Variants in TRIM36 observed in about 807,000 individuals in gnomAD.
The protein encoded by TRIM36 is E3 ubiquitin-protein ligase TRIM36.
Under a neutral mutation model 72.4 loss-of-function variants are expected in TRIM36, and 42 were observed. That is an observed-to-expected ratio of 0.58 (90% CI 0.45 to 0.75). The LOEUF (loss-of-function observed/expected upper bound fraction) is 0.75. Among genes scored for constraint, TRIM36 ranks in the 30% least tolerant of loss-of-function variants. The pLI is 0.00. For synonymous variants in TRIM36, 315 were observed against 282.8 expected (o/e 1.11, Z -1.14); for missense variants, 913 against 857.1 (o/e 1.07, Z -0.81).
chr5:115,173,310 T>C (rs1755197873), upstream of TRIM36, among the ~76,000 whole-genome samples: 1 of 152,204 alleles, frequency 6.6e-6, no homozygotes, highest in Admixed American at 6.5e-5. Flanking sequence ...TCCTCACAGC[T>C]GATTCCTGTG....
intron 1 of TRIM36, among the ~76,000 whole-genome samples, chr5:115,167,781 G>A (rs1057315813): frequency 6.6e-6 from 1 of 152,110 alleles, no homozygotes; most frequent in African/African-American, 2.4e-5. Flanking sequence ...CACATTGTTG[G>A]GTATCTTTAC....
intron 8 of TRIM36, 38 bp from the exon 9 acceptor site, chr5:115,130,927 A>G (rs75362338): frequency 6.4e-7 from 1 of 1,572,672 alleles, no homozygotes; most frequent in Non-Finnish European, 8.6e-7. Flanking sequence ...GCTAAAAATT[A>G]TCATTGCTCT....
intron 7 of TRIM36, among the ~76,000 whole-genome samples, chr5:115,136,110 C>G (rs547516020): frequency 4.7e-4 from 71 of 152,138 alleles, no homozygotes; most frequent in African/African-American, 1.5e-3. Context: ...CCCAGTCCCC[C>G]AGACCCCACC....
chr5:115,170,016 G>A, upstream of TRIM36: 1 of 1,045,492 alleles, frequency 9.6e-7, no homozygotes, highest in Non-Finnish European at 1.2e-6. Context: ...AAAAGAGGCG[G>A]GGCCGCCTGG....
intron 3 of TRIM36, among the ~76,000 whole-genome samples, chr5:115,146,766 A>G (rs959958552): frequency 3.9e-5 from 6 of 152,194 alleles, no homozygotes; most frequent in African/African-American, 1.4e-4. Context: ...TTCAATCTTA[A>G]AGAGTATATC....
chr5:115,171,063 G>A (rs1377525569), upstream of TRIM36: 1 of 1,613,036 alleles, frequency 6.2e-7, no homozygotes, highest in Non-Finnish European at 8.5e-7. Context: ...CTAAATTGCT[G>A]GGTAAGTAGG....
chr5:115,168,621 G>A (rs545952450), intron 1 of TRIM36, among the ~76,000 whole-genome samples: 14 of 152,088 alleles, frequency 9.2e-5, no homozygotes, highest in South Asian at 2.1e-4. Context: ...TGGGTGTTTC[G>A]ATGCAGTCTC....
At chr5:115,133,767 G>C (rs1443085682) in intron 8 of TRIM36, 93 bp downstream of exon 8, 1 of 1,286,630 alleles carries the variant, frequency 7.8e-7, no homozygotes, top group African/African-American at 1.5e-5. Flanking sequence ...GCTGGTTTCA[G>C]TGCAGGTCTA....
At chr5:115,146,999 C>A in intron 3 of TRIM36, 70 bp downstream of exon 3, 2 of 1,326,690 alleles carry the variant, frequency 1.5e-6, no homozygotes, top group South Asian at 1.5e-5. Context: ...TATTTCGTAA[C>A]ATTAAGTACA....
chr5:115,143,520 C>T (rs1753399652), intron 4 of TRIM36, among the ~76,000 whole-genome samples: 1 of 151,626 alleles, frequency 6.6e-6, no homozygotes, highest in African/African-American at 2.4e-5. Flanking sequence ...CAAAACTGAC[C>T]TAGTAGTGAA....
chr5:115,161,131 G>C (rs143789707), intron 2 of TRIM36, among the ~76,000 whole-genome samples: 93 of 152,118 alleles, frequency 6.1e-4, no homozygotes, highest in African/African-American at 2.0e-3. Flanking sequence ...TCGTGATAAA[G>C]GACTATGCTC....
intron 2 of TRIM36, chr5:115,149,643 A>T (rs1580674903): frequency 4.5e-5 from 1 of 22,032 alleles, no homozygotes; most frequent in Admixed American, 4.7e-4. Flanking sequence ...TTTACAGTGT[A>T]AAAAAAAAAA....
At chr5:115,142,443 T>C (rs913977815) in intron 4 of TRIM36, among the ~76,000 whole-genome samples, 3 of 152,218 alleles carry the variant, frequency 2.0e-5, no homozygotes, top group African/African-American at 7.2e-5. Context: ...AGTTGTATGA[T>C]AGCAGCTTAC....
chr5:115,171,364 A>G, upstream of TRIM36: 1 of 1,233,486 alleles, frequency 8.1e-7, no homozygotes, highest in Non-Finnish European at 1.1e-6. Context: ...ATCCGGATTA[A>G]TGCCCGTTGC....
chr5:115,153,222 C>T (rs1459637342), intron 2 of TRIM36, among the ~76,000 whole-genome samples: 2 of 152,078 alleles, frequency 1.3e-5, no homozygotes, highest in Non-Finnish European at 2.9e-5. Flanking sequence ...ACACCAAAAG[C>T]CAGCAGGAGT....
chr5:115,170,191 G>C (rs1307489887), upstream of TRIM36, among the ~76,000 whole-genome samples: 1 of 152,120 alleles, frequency 6.6e-6, no homozygotes. Context: ...AGGCTGGGGG[G>C]CTCTGAGGAA....
At chr5:115,127,688 TAA>T (rs1752429923) in intron 9 of TRIM36, among the ~76,000 whole-genome samples, 1 of 152,242 alleles carries the variant, frequency 6.6e-6, no homozygotes, top group South Asian at 2.1e-4. Flanking sequence ...AGTTGTTACA[TAA>T]AAGTGTAACA....
In TRIM36 at chr5:115,137,430, C is replaced by T. The variant is rs753087793; in HGVS notation, c.1018G>A (p.Ala340Thr). Residue 340 changes from alanine to threonine, a missense_variant, in exon 6 of 10, where the codon GCT becomes ACT. Physicochemically the swap from Ala to Thr is moderately conservative, Grantham distance 58 (BLOSUM62 0). Transcript: ENST00000513154. ...TCTGTCTCCTTTAGCACTTCTTGAGCATATCCCACAAGTCCATTGTTCTCT... is the reference window on the plus strand; with the variant it reads ...TCTGTCTCCTTTAGCACTTCTTGAGTATATCCCACAAGTCCATTGTTCTCT... ...LLENNGLVGYAQEVLKETDQS... is the reference protein window; with the variant it reads ...LLENNGLVGYTQEVLKETDQS... 1.2e-6 allele frequency: 2 copies of T among 1,614,122 alleles called. No homozygotes were observed. The highest frequency in any genetic ancestry group is 4.5e-5 in the East Asian group (2 of 44,872).
rs1015212815 is a variant in TRIM36 at position 115,132,475 on chromosome 5, G to A, written c.1498+1385C>T. Among the ~76,000 whole-genome samples the A allele has an allele frequency of 2.0e-5, 3 of 150,422 alleles. No individual in the cohort carries two copies. The Admixed American group carries it at 2.0e-4, about 10-fold the overall frequency. ...TGCTTGAACCCAGGAGACAGAGGTT[G>A]CAGTGAGCTAGTGAGCTGAGATGGT... On this transcript the variant is annotated intron_variant, in intron 8 of 9. Coordinates refer to ENST00000513154, the MANE Select transcript of TRIM36 (RefSeq NM_001300759.2).
Sources: allele counts gnomAD v4.1 joint callset (sites outside exome capture counted in the v4.1 genomes callset), GRCh38; gene constraint gnomAD v4.1.1; transcripts MANE v1.5; gene names NCBI Gene and HGNC (gene_info 2026-07-23, HGNC 2026-07-21).